DAB1: variants seen among roughly 807,000 people sequenced by gnomAD.
The protein encoded by DAB1 is DAB adaptor protein 1, also known as disabled homolog 1.
DAB1 carries 15 observed loss-of-function variants against 64.6 expected under a neutral mutation model. That is an observed-to-expected ratio of 0.23 (90% CI 0.16 to 0.36). The LOEUF (loss-of-function observed/expected upper bound fraction) is 0.36. DAB1 is among the 10% of genes least tolerant of loss of function. DAB1 has a pLI of 1.00. For synonymous variants in DAB1, 235 were observed against 251.9 expected (o/e 0.93, Z 0.64); for missense variants, 596 against 706.7 (o/e 0.84, Z 1.78).
At chr1:57,903,477 G>C (rs899795312) in intron 5 of DAB1, among the ~76,000 whole-genome samples, 2 of 152,018 alleles carry the variant, frequency 1.3e-5, no homozygotes, top group Non-Finnish European at 2.9e-5. Flanking sequence ...AAATATTGGA[G>C]GAAAAAACTG....
intron 6 of DAB1, among the ~76,000 whole-genome samples, chr1:57,751,216 A>G (rs1229670701): frequency 6.6e-6 from 1 of 152,138 alleles, no homozygotes; most frequent in East Asian, 1.9e-4. Context: ...TGGCCATCAG[A>G]TTCCTTGTTG....
intron 7 of DAB1, among the ~76,000 whole-genome samples, chr1:57,516,739 A>G (rs1032866998): frequency 7.9e-5 from 12 of 152,270 alleles, no homozygotes; most frequent in Non-Finnish European, 1.5e-4. Flanking sequence ...GGGCTCCTTG[A>G]ACGCCAACTT....
At chr1:57,638,134 A>AT (rs1646080590) in intron 7 of DAB1, among the ~76,000 whole-genome samples, 1 of 152,154 alleles carries the variant, frequency 6.6e-6, no homozygotes, top group South Asian at 2.1e-4. Flanking sequence ...GATGATGGTT[A>AT]TTTTTTGTTT....
At chr1:57,227,634 G>A (rs1451431867) in intron 2 of DAB1, among the ~76,000 whole-genome samples, 1 of 151,572 alleles carries the variant, frequency 6.6e-6, no homozygotes, top group African/African-American at 2.4e-5. Flanking sequence ...TCGGTTCACT[G>A]CAACCTCCAC....
intron 4 of DAB1, among the ~76,000 whole-genome samples, chr1:58,251,738 A>G (rs7537039): frequency 0.54 from 82,631 of 151,940 alleles, 23,616 homozygotes; most frequent in East Asian, 0.72. Flanking sequence ...CTTGATGCTA[A>G]GTTTGGAGTT....
At chr1:57,050,293 A>G (rs1407089375) in intron 9 of DAB1, among the ~76,000 whole-genome samples, 1 of 152,198 alleles carries the variant, frequency 6.6e-6, no homozygotes, top group African/African-American at 2.4e-5. Flanking sequence ...ACCTGCCACA[A>G]GCCACCAGAG....
intron 3 of DAB1, among the ~76,000 whole-genome samples, chr1:58,454,489 A>T (rs1412808726): frequency 2.0e-5 from 3 of 152,176 alleles, no homozygotes; most frequent in Non-Finnish European, 4.4e-5. Context: ...AGAGACGGCC[A>T]CAGCAACACA....
intron 6 of DAB1, among the ~76,000 whole-genome samples, chr1:57,715,689 A>G (rs1647075752): frequency 6.6e-6 from 1 of 152,208 alleles, no homozygotes; most frequent in Non-Finnish European, 1.5e-5. Flanking sequence ...CCCATTTATA[A>G]TAGTTACCAA....
rs146544379 is a variant in DAB1 at position 58,191,716 on chromosome 1, C to T, written n.310-41128G>A. Among the ~76,000 whole-genome samples, 483 of 152,298 alleles carry T rather than the reference C, an allele frequency of 3.2e-3. 4 individuals are homozygous for T. The highest frequency in any genetic ancestry group is 0.011 in the African/African-American group (463 of 41,560). On this transcript the variant is annotated intron_variant and non_coding_transcript_variant, in intron 4 of 20. Coordinates refer to the DAB1 transcript ENST00000485760. ...TGCATATAACAACTACGACACCCACCGGCTGCTGTAGATCTGTATCCCCTT... is the reference window on the plus strand; with the variant it reads ...TGCATATAACAACTACGACACCCACTGGCTGCTGTAGATCTGTATCCCCTT...
chr1:57,684,243 T>C (rs999912394), intron 6 of DAB1, among the ~76,000 whole-genome samples: 3 of 151,446 alleles, frequency 2.0e-5, no homozygotes, highest in African/African-American at 7.3e-5. Flanking sequence ...GCTAGAGAGG[T>C]TGACATTCAA....
intron 2 of DAB1, among the ~76,000 whole-genome samples, chr1:57,242,481 C>T (rs1275707011): frequency 2.0e-5 from 3 of 151,966 alleles, no homozygotes; most frequent in East Asian, 3.9e-4. Flanking sequence ...AACACGTGGT[C>T]GATTAGCACA....
intron 5 of DAB1, chr1:58,074,544 A>G (rs1006141165): frequency 1.2e-5 from 1 of 85,836 alleles, no homozygotes; most frequent in African/African-American, 5.5e-5. Flanking sequence ...ATATATATAT[A>G]CACACATATA....
At chr1:57,611,114 T>G (rs1645720298) in intron 7 of DAB1, among the ~76,000 whole-genome samples, 1 of 150,894 alleles carries the variant, frequency 6.6e-6, no homozygotes, top group Non-Finnish European at 1.5e-5. Flanking sequence ...TATCTCACTG[T>G]TGGCGTGCAG....
chr1:57,931,268 G>A (rs1242767723), intron 5 of DAB1, among the ~76,000 whole-genome samples: 1 of 152,028 alleles, frequency 6.6e-6, no homozygotes, highest in African/African-American at 2.4e-5. Context: ...TTTTGTTGAG[G>A]ATTTTTACAT....
At chr1:57,582,441 G>A (rs1027552837) in intron 7 of DAB1, among the ~76,000 whole-genome samples, 5 of 152,276 alleles carry the variant, frequency 3.3e-5, no homozygotes, top group Middle Eastern at 3.4e-3. Flanking sequence ...CCCTTGACAC[G>A]TGGGGATTAC....
chr1:58,427,787 T>A (rs1644835205), intron 3 of DAB1, among the ~76,000 whole-genome samples: 1 of 152,136 alleles, frequency 6.6e-6, no homozygotes, highest in East Asian at 1.9e-4. Context: ...GAGTTGGTCA[T>A]GTAAATCTAG....
intron 6 of DAB1, among the ~76,000 whole-genome samples, chr1:57,753,914 T>C (rs1301664786): frequency 6.6e-6 from 1 of 152,186 alleles, no homozygotes; most frequent in East Asian, 1.9e-4. Context: ...AACCACAAGT[T>C]AGAATCATAG....
chr1:58,126,131 G>C (rs1024593881), intron 5 of DAB1, among the ~76,000 whole-genome samples: 3 of 152,142 alleles, frequency 2.0e-5, no homozygotes, highest in African/African-American at 7.2e-5. Flanking sequence ...AAATCAGTCT[G>C]ACCTTTTCCC....
intron 4 of DAB1, among the ~76,000 whole-genome samples, chr1:58,169,981 C>A (rs1356499062): frequency 6.6e-6 from 1 of 152,188 alleles, no homozygotes; most frequent in East Asian, 1.9e-4. Context: ...GGGTCTAGGG[C>A]AAATCTTCCA....
Sources: gnomAD v4.1 joint callset for allele counts (sites outside exome capture counted in the v4.1 genomes callset) on GRCh38, gnomAD v4.1.1 for gene constraint, MANE v1.5 for transcripts, NCBI Gene and HGNC (gene_info 2026-07-23, HGNC 2026-07-21) for gene names.